DOCK3: variants seen among roughly 807,000 people sequenced by gnomAD.
The protein encoded by DOCK3 is dedicator of cytokinesis protein 3.
A neutral mutation model predicts 265.6 loss-of-function variants in DOCK3; 60 were observed. That is an observed-to-expected ratio of 0.23 (90% CI 0.18 to 0.28). DOCK3 has a LOEUF of 0.28. DOCK3 is among the 10% of genes least tolerant of loss of function. The pLI, the probability that DOCK3 is intolerant of heterozygous loss-of-function variation, is 1.00. For synonymous variants in DOCK3, 881 were observed against 938.0 expected (o/e 0.94, Z 1.11); for missense variants, 1,981 against 2,594.3 (o/e 0.76, Z 5.14).
chr3:51,289,986 T>G (rs929141641), intron 27 of DOCK3, among the ~76,000 whole-genome samples: 1 of 152,170 alleles, frequency 6.6e-6, no homozygotes, highest in African/African-American at 2.4e-5. Flanking sequence ...CACAATGAGA[T>G]ATCATCTCAC....
intron 9 of DOCK3, among the ~76,000 whole-genome samples, chr3:51,102,256 A>G (rs973566755): frequency 2.0e-5 from 3 of 152,228 alleles, no homozygotes; most frequent in Admixed American, 1.3e-4. Context: ...TTACAAAGCA[A>G]TGTAAAATAT....
chr3:51,119,768 G>C (rs1224747149), intron 9 of DOCK3, among the ~76,000 whole-genome samples: 1 of 151,726 alleles, frequency 6.6e-6, no homozygotes, highest in African/African-American at 2.4e-5. Context: ...ATTGATACTT[G>C]TGTATGCTTC....
At chr3:50,900,891 C>T (rs2107809899) in intron 4 of DOCK3, 1 of 430,758 alleles carries the variant, frequency 2.3e-6, no homozygotes. Flanking sequence ...CCAGAGCTCT[C>T]CTGTATGAGG....
intron 5 of DOCK3, among the ~76,000 whole-genome samples, chr3:50,970,978 AT>A (rs1420462871): frequency 0.062 from 1,142 of 18,552 alleles, 91 homozygotes; most frequent in African/African-American, 0.11. Context: ...ATATATATAT[AT>A]TTTTTTTATT....
chr3:51,239,953 A>C (rs952518145), intron 21 of DOCK3, among the ~76,000 whole-genome samples: 2 of 151,898 alleles, frequency 1.3e-5, no homozygotes, highest in African/African-American at 2.4e-5. Context: ...CTTTGGTTCA[A>C]TTCTGATTTT....
chr3:50,987,417 C>G (rs529181323), intron 5 of DOCK3, among the ~76,000 whole-genome samples: 1 of 152,070 alleles, frequency 6.6e-6, no homozygotes, highest in Admixed American at 6.6e-5. Context: ...ATCTTATGAG[C>G]GAGATGTAAT....
chr3:50,730,867 A>G (rs2108117675), intron 1 of DOCK3, among the ~76,000 whole-genome samples: 1 of 151,840 alleles, frequency 6.6e-6, no homozygotes, highest in East Asian at 1.9e-4. Flanking sequence ...GTGGTGGCTC[A>G]TGCCTGTAAT....
At chr3:51,349,951 A>G (rs151181593) in intron 39 of DOCK3, among the ~76,000 whole-genome samples, 55 of 152,294 alleles carry the variant, frequency 3.6e-4, no homozygotes, top group African/African-American at 1.2e-3. Flanking sequence ...CCAGGCAGAA[A>G]ATGTCCGTGT....
chr3:50,877,480 C>A (rs1314725911), intron 3 of DOCK3: 1 of 519,966 alleles, frequency 1.9e-6, no homozygotes, highest in Non-Finnish European at 3.8e-6. Flanking sequence ...GAATTTATTT[C>A]ATTTGTTCTG....
intron 5 of DOCK3, among the ~76,000 whole-genome samples, chr3:50,993,259 A>G (rs2078172752): frequency 6.6e-6 from 1 of 152,176 alleles, no homozygotes; most frequent in African/African-American, 2.4e-5. Context: ...TGGATTAGCA[A>G]TTGCACTTGG....
intron 14 of DOCK3, among the ~76,000 whole-genome samples, chr3:51,218,303 G>A (rs2089905989): frequency 6.6e-6 from 1 of 151,934 alleles, no homozygotes; most frequent in African/African-American, 2.4e-5. Context: ...GCATGGTGGC[G>A]TTCACCTGTA....
At chr3:51,260,003 A>T (rs1055972797) in intron 22 of DOCK3, among the ~76,000 whole-genome samples, 153 bp from the exon 23 acceptor site, 1 of 152,194 alleles carries the variant, frequency 6.6e-6, no homozygotes, top group African/African-American at 2.4e-5. Context: ...AAAAATTTTT[A>T]AAAATAAAGT....
At chr3:50,906,567 T>C (rs1443829455) in intron 4 of DOCK3, among the ~76,000 whole-genome samples, 2 of 152,118 alleles carry the variant, frequency 1.3e-5, no homozygotes, top group African/African-American at 4.8e-5. Context: ...GTTTATAGTA[T>C]TCTCTGATGG....
rs1379572331 is a variant in DOCK3 at position 50,751,799 on chromosome 3, C to G, written c.38-26876C>G. 1.3e-5 allele frequency among the ~76,000 whole-genome samples: 2 copies of G among 152,104 alleles called. 1 individual carries two copies. The highest frequency in any genetic ancestry group is 4.8e-5 in the African/African-American group (2 of 41,424). On this transcript the variant is annotated intron_variant, in intron 1 of 52. Coordinates refer to ENST00000266037, the MANE Select transcript of DOCK3 (RefSeq NM_004947.5). ...GGCTGGGGAGGCCTTAGGAAACTTA[C>G]AGTCATGGTGGAAGGCAAAGGGGAA... is the stretch of plus-strand genomic sequence containing the variant.
chr3:50,855,379 A>ATGTTGTGTTGTGTTG (rs60885870), intron 3 of DOCK3, among the ~76,000 whole-genome samples: 6 of 151,458 alleles, frequency 4.0e-5, no homozygotes, highest in African/African-American at 7.3e-5. Flanking sequence ...GTATTGTATT[A>ATGTTGTGTTGTGTTG]TGTTGTGTTG....
intron 5 of DOCK3, among the ~76,000 whole-genome samples, chr3:50,992,111 A>G (rs1329216292): frequency 1.3e-5 from 2 of 152,238 alleles, no homozygotes; most frequent in African/African-American, 4.8e-5. Context: ...AGGGAAATTC[A>G]TAGCACTAAA....
chr3:50,775,548 G>C lies in DOCK3; in HGVS notation c.38-3127G>C, dbSNP rs1410483791. Among the ~76,000 whole-genome samples the C allele has an allele frequency of 7.9e-5, 12 of 151,994 alleles. No individual in the cohort carries two copies. In the South Asian group the frequency reaches 2.3e-3, roughly 29 times the overall value. On this transcript the variant is annotated intron_variant, in intron 1 of 52. Transcript: ENST00000266037. ...AAAGAACCAATTTTTAGATTATAAG[G>C]CTTGATTTACGGTAGTGGAAGTTCT...
chr3:50,706,390 T>C (rs988294954), intron 1 of DOCK3, among the ~76,000 whole-genome samples: 1 of 152,220 alleles, frequency 6.6e-6, no homozygotes, highest in Admixed American at 6.5e-5. Flanking sequence ...AGCAGGTTTT[T>C]TCTTTCAGTA....
chr3:50,714,788 C>G (rs1221470409), intron 1 of DOCK3, among the ~76,000 whole-genome samples: 2 of 152,184 alleles, frequency 1.3e-5, no homozygotes, highest in Non-Finnish European at 2.9e-5. Context: ...TCCAACCAAT[C>G]AAGTATCTTT....
Sources: gnomAD v4.1 joint callset for allele counts (sites outside exome capture counted in the v4.1 genomes callset) on GRCh38, gnomAD v4.1.1 for gene constraint, MANE v1.5 for transcripts, NCBI Gene and HGNC (gene_info 2026-07-23, HGNC 2026-07-21) for gene names.